Variants in TUSC3 observed in about 807,000 individuals in gnomAD.
TUSC3 encodes the protein tumor suppressor candidate 3, also known as dolichyl-diphosphooligosaccharide--protein glycosyltransferase subunit TUSC3.
Under a neutral mutation model 44.8 loss-of-function variants are expected in TUSC3, and 45 were observed. That is an observed-to-expected ratio of 1.00 (90% CI 0.79 to 1.29). TUSC3 has a LOEUF of 1.29. Among genes scored for constraint, TUSC3 ranks in the 50% most tolerant of loss-of-function variants. The pLI, the probability that TUSC3 is intolerant of heterozygous loss-of-function variation, is 0.00. For synonymous variants in TUSC3, 212 were observed against 152.9 expected, an observed-to-expected ratio of 1.39 and a Z score of -2.85; for missense variants, 519 against 437.9, an observed-to-expected ratio of 1.19 and a Z score of -1.65.
At position 15,515,793 on chromosome 8, in the gene TUSC3, A is replaced by G. The variant is rs112939953; in HGVS notation, n.189+32310A>G. Among the ~76,000 whole-genome samples the G allele has an allele frequency of 9.7e-3, 1,476 of 152,020 alleles. 29 individuals carry two copies. Among genetic ancestry groups the G allele is most frequent in the African/African-American group, 0.034 (1,418 of 41,464 alleles). ...AGTAACTCTCCTGCCTCAGCTTCCC[A>G]AGTAGCTGGGACTACAGTCTCTCGC... On this transcript the variant is annotated intron_variant and non_coding_transcript_variant, in intron 2 of 5. Transcript: ENST00000503191.
At chr8:15,562,588 A>G (rs1278277781) in intron 1 of TUSC3, among the ~76,000 whole-genome samples, 2 of 152,142 alleles carry the variant, frequency 1.3e-5, no homozygotes, top group Non-Finnish European at 2.9e-5. Context: ...GGCCAAAATT[A>G]AGGTGAGACC....
At chr8:15,696,177 T>C (rs979413908) in intron 6 of TUSC3, among the ~76,000 whole-genome samples, 8 of 152,122 alleles carry the variant, frequency 5.3e-5, no homozygotes, top group African/African-American at 1.7e-4. Flanking sequence ...CAAAAATAGT[T>C]TCGTGGGCTG....
At chr8:15,558,798 G>A (rs1263675922) in intron 1 of TUSC3, among the ~76,000 whole-genome samples, 1 of 144,282 alleles carries the variant, frequency 6.9e-6, no homozygotes, top group Non-Finnish European at 1.5e-5. Flanking sequence ...TTGCATAGAG[G>A]TGTTTGTAGT....
At chr8:15,653,126 C>G (rs1474310063) in intron 3 of TUSC3, among the ~76,000 whole-genome samples, 2 of 152,000 alleles carry the variant, frequency 1.3e-5, no homozygotes, top group Non-Finnish European at 2.9e-5. Flanking sequence ...CTGTAAGAAA[C>G]AAAATTGCCA....
the TUSC3 span, among the ~76,000 whole-genome samples, chr8:15,838,424 T>C: frequency 2.5e-4 from 38 of 152,134 alleles, no homozygotes; most frequent in Admixed American, 7.9e-4. Flanking sequence ...GATTCAACTA[T>C]ATATCATGAC....
rs568514923 is a variant in TUSC3 at position 15,648,598 on chromosome 8, C to T, written c.309-2099C>T. ...AAAATTATCTGGGCGAGGTGGCACA[C>T]GCCTGTAGTCCCAGCTACTCGGGAG... is the stretch of plus-strand genomic sequence containing the variant. On this transcript the variant is annotated intron_variant, in intron 2 of 10. Coordinates refer to ENST00000503731, the MANE Select transcript of TUSC3 (RefSeq NM_006765.4). Among the ~76,000 whole-genome samples the T allele has an allele frequency of 6.7e-4, 101 of 151,670 alleles. 1 individual carries two copies. Among genetic ancestry groups the T allele is most frequent in the African/African-American group, 2.4e-3 (100 of 41,362 alleles).
chr8:15,588,247 C>T (rs1327958007), intron 1 of TUSC3, among the ~76,000 whole-genome samples: 2 of 151,972 alleles, frequency 1.3e-5, no homozygotes, highest in African/African-American at 2.4e-5. Context: ...TCATTTGATA[C>T]TTGTCATTCT....
chr8:15,450,220 T>C (rs1203174530), intron 1 of TUSC3, among the ~76,000 whole-genome samples: 2 of 147,210 alleles, frequency 1.4e-5, no homozygotes, highest in Non-Finnish European at 3.1e-5. Context: ...TGTTTATCAT[T>C]TTTCTTTTCT....
At chr8:15,636,684 C>G (rs1172254989) in intron 2 of TUSC3, among the ~76,000 whole-genome samples, 6 of 152,172 alleles carry the variant, frequency 3.9e-5, no homozygotes, top group African/African-American at 1.4e-4. Flanking sequence ...GCAGTGCAGC[C>G]TGTTGCATTG....
intron 1 of TUSC3, among the ~76,000 whole-genome samples, chr8:15,602,355 A>G (rs1326541152): frequency 6.6e-6 from 1 of 151,758 alleles, no homozygotes; most frequent in East Asian, 1.9e-4. Context: ...ACAAACTTCC[A>G]TCATGAATTT....
At chr8:15,779,035 A>G in the TUSC3 span, among the ~76,000 whole-genome samples, 5 of 151,228 alleles carry the variant, frequency 3.3e-5, no homozygotes, top group African/African-American at 4.9e-5. Context: ...GGAATAGTCT[A>G]TTTCAGTTAC....
At chr8:15,789,673 A>G in the TUSC3 span, among the ~76,000 whole-genome samples, 1 of 152,190 alleles carries the variant, frequency 6.6e-6, no homozygotes, top group Non-Finnish European at 1.5e-5. Flanking sequence ...TTCTAAATCT[A>G]TTGCAATGAA....
At chr8:15,502,344 A>C (rs919511731) in intron 2 of TUSC3, among the ~76,000 whole-genome samples, 1 of 152,172 alleles carries the variant, frequency 6.6e-6, no homozygotes, top group African/African-American at 2.4e-5. Flanking sequence ...ATCATAGTCC[A>C]TCTGTTCTAT....
chr8:15,754,923 C>T (rs940852326), intron 9 of TUSC3, among the ~76,000 whole-genome samples: 3 of 152,022 alleles, frequency 2.0e-5, no homozygotes, highest in Admixed American at 1.3e-4. Context: ...AAACCTTAAA[C>T]ATCTATGCCC....
At position 15,508,724 on chromosome 8, in the gene TUSC3, G is replaced by A. The variant is rs546117578; in HGVS notation, n.189+25241G>A. On this transcript the variant is annotated intron_variant and non_coding_transcript_variant, in intron 2 of 5. Coordinates refer to the TUSC3 transcript ENST00000503191. Reference sequence around the variant, plus strand: ...GATTCACCCGCCTGGGCGTCCCAAAGTGCTGGGATTACAGGCGTAAGCCAC... The same window carrying A: ...GATTCACCCGCCTGGGCGTCCCAAAATGCTGGGATTACAGGCGTAAGCCAC... 5.3e-5 allele frequency among the ~76,000 whole-genome samples: 8 copies of A among 152,246 alleles called. No individual in the cohort carries two copies. In the South Asian group the frequency reaches 1.7e-3, roughly 32 times the overall value.
In TUSC3 at chr8:15,484,078, T is replaced by C. The variant is rs1019511496; in HGVS notation, n.189+595T>C. Among the ~76,000 whole-genome samples, 5 of 152,334 alleles carry C rather than the reference T, an allele frequency of 3.3e-5. No homozygotes were observed. The East Asian group carries it at 9.6e-4, about 29-fold the overall frequency. On this transcript the variant is annotated intron_variant and non_coding_transcript_variant, in intron 2 of 5. Transcript: ENST00000503191. Reference sequence around the variant, plus strand: ...TATGTTATATTAGGTCTATTTGTAGTGAGATTTTTAATATTTACATGCACT... The same window carrying C: ...TATGTTATATTAGGTCTATTTGTAGCGAGATTTTTAATATTTACATGCACT...
intron 1 of TUSC3, among the ~76,000 whole-genome samples, chr8:15,470,170 G>C (rs908037999): frequency 6.6e-6 from 1 of 150,674 alleles, no homozygotes; most frequent in African/African-American, 2.4e-5. Context: ...AGTTACTTGG[G>C]AATCTGAGGT....
At chr8:15,451,454 T>C (rs1399579982) in intron 1 of TUSC3, among the ~76,000 whole-genome samples, 1 of 152,118 alleles carries the variant, frequency 6.6e-6, no homozygotes, top group Admixed American at 6.5e-5. Flanking sequence ...TAACCAATCA[T>C]GGCTACATAA....
At chr8:15,570,027 C>G (rs7841601) in intron 1 of TUSC3, among the ~76,000 whole-genome samples, 1 of 151,718 alleles carries the variant, frequency 6.6e-6, no homozygotes, top group Admixed American at 6.6e-5. Context: ...ATTTTGGATC[C>G]TATATATATT....
Sources: gnomAD v4.1 joint callset for allele counts (sites outside exome capture counted in the v4.1 genomes callset) on GRCh38, gnomAD v4.1.1 for gene constraint, MANE v1.5 for transcripts, NCBI Gene and HGNC (gene_info 2026-07-23, HGNC 2026-07-21) for gene names.